Variants in ABCB1 observed in about 807,000 individuals in gnomAD.
ABCB1 encodes ATP binding cassette subfamily B member 1.
In ABCB1, 69 loss-of-function variants were observed where a neutral mutation model predicts 142.0. The observed-to-expected ratio is 0.49, with a 90% CI of 0.40 to 0.59. The LOEUF (loss-of-function observed/expected upper bound fraction) is 0.59, where lower values mean the gene tolerates loss of function less well. ABCB1 is among the 20% of genes least tolerant of loss of function. The pLI is 0.00. For synonymous variants in ABCB1, 532 were observed against 539.2 expected, an observed-to-expected ratio of 0.99 and a Z score of 0.18; for missense variants, 1,326 against 1,554.7, an observed-to-expected ratio of 0.85 and a Z score of 2.47.
In ABCB1 at chr7:87,539,260, A is replaced by G; in HGVS notation, c.2397+8T>C. ...CACATCCCAGGGCACAGCCCTCGAT[A>G]GACATACCTGTCTGAGCATGGATCG... On this transcript the variant is annotated splice_region_variant and intron_variant, in intron 19 of 27. Coordinates refer to ENST00000622132, the MANE Select transcript of ABCB1 (RefSeq NM_001348946.2). 6 of 1,613,756 alleles carry G rather than the reference A, an allele frequency of 3.7e-6. No individual in the cohort carries two copies. Among genetic ancestry groups the G allele is most frequent in the Non-Finnish European group, 4.2e-6 (5 of 1,179,820 alleles).
intron 1 of ABCB1, among the ~76,000 whole-genome samples, chr7:87,698,032 A>G (rs1481837150): frequency 1.3e-5 from 2 of 152,216 alleles, no homozygotes; most frequent in Non-Finnish European, 2.9e-5. Context: ...AAAGTGATGG[A>G]GAGAGATTAA....
chr7:87,595,743 T>C (rs1303426159), intron 3 of ABCB1, 23 bp downstream of exon 3: 1 of 1,570,874 alleles, frequency 6.4e-7, no homozygotes, highest in Non-Finnish European at 8.8e-7. Context: ...GTATTTTGAA[T>C]AGTTAATAAA....
chr7:87,616,027 T>C lies in ABCB1; in HGVS notation c.-330-14949A>G, dbSNP rs189130245. 8.5e-5 allele frequency among the ~76,000 whole-genome samples: 13 copies of C among 152,352 alleles called. No homozygotes were observed. The East Asian group carries it at 2.5e-3, about 29-fold the overall frequency. ...CATAGTAAATAGAAGGTACAATTTATACCTTTATAGCTATTGCCTAGTATA... is the reference window on the plus strand; with the variant it reads ...CATAGTAAATAGAAGGTACAATTTACACCTTTATAGCTATTGCCTAGTATA... On this transcript the variant is annotated intron_variant, in intron 1 of 28. Coordinates refer to the ABCB1 transcript ENST00000265724.
At chr7:87,669,467 T>C (rs562238845) in intron 1 of ABCB1, among the ~76,000 whole-genome samples, 7 of 152,340 alleles carry the variant, frequency 4.6e-5, no homozygotes, top group African/African-American at 1.7e-4. Flanking sequence ...ATTTAGCCCA[T>C]TTACTTTCAA....
chr7:87,519,784 C>T (rs752176237), intron 22 of ABCB1, among the ~76,000 whole-genome samples: 8 of 152,184 alleles, frequency 5.3e-5, no homozygotes, highest in South Asian at 2.1e-4. Context: ...CCTTTCTCCC[C>T]ACTTTTGGAC....
chr7:87,552,810 A>T (rs186656909), intron 9 of ABCB1, among the ~76,000 whole-genome samples: 63 of 152,106 alleles, frequency 4.1e-4, no homozygotes, highest in African/African-American at 1.5e-3. Context: ...ATCATCTCTC[A>T]TTGCCTCAAT....
At chr7:87,598,999 G>A (rs1289595227) in intron 2 of ABCB1, among the ~76,000 whole-genome samples, 1 of 152,162 alleles carries the variant, frequency 6.6e-6, no homozygotes, top group African/African-American at 2.4e-5. Flanking sequence ...GTCCCTTTCA[G>A]TGGACTGAAA....
At chr7:87,681,572 A>G (rs1420014709) in intron 1 of ABCB1, among the ~76,000 whole-genome samples, 6 of 150,788 alleles carry the variant, frequency 4.0e-5, no homozygotes, top group African/African-American at 1.5e-4. Context: ...TAATTAAACT[A>G]CTTTACTGCT....
At chr7:87,616,608 A>G (rs898325361) in intron 1 of ABCB1, among the ~76,000 whole-genome samples, 5 of 152,178 alleles carry the variant, frequency 3.3e-5, no homozygotes, top group Non-Finnish European at 7.4e-5. Flanking sequence ...TGATCATGGT[A>G]TCTCCCCACC....
intron 9 of ABCB1, among the ~76,000 whole-genome samples, chr7:87,551,946 G>C (rs918352415): frequency 6.6e-6 from 1 of 152,104 alleles, no homozygotes; most frequent in Non-Finnish European, 1.5e-5. Flanking sequence ...CTAGTTATAT[G>C]TTGTTAGGCC....
At chr7:87,696,514 T>C (rs1296116387) in intron 1 of ABCB1, among the ~76,000 whole-genome samples, 1 of 152,206 alleles carries the variant, frequency 6.6e-6, no homozygotes, top group East Asian at 1.9e-4. Flanking sequence ...CAGAAATTAA[T>C]TATTTAGATG....
At chr7:87,571,271 G>C (rs571816957) in intron 4 of ABCB1, among the ~76,000 whole-genome samples, 1 of 152,316 alleles carries the variant, frequency 6.6e-6, no homozygotes, top group African/African-American at 2.4e-5. Context: ...GTGTTGTGTG[G>C]ATGGAGGGAG....
chr7:87,625,728 A>C (rs1293687616), intron 1 of ABCB1, among the ~76,000 whole-genome samples: 1 of 152,134 alleles, frequency 6.6e-6, no homozygotes, highest in African/African-American at 2.4e-5. Flanking sequence ...TGTAGCTCCT[A>C]GGAAAAGAAG....
intron 8 of ABCB1, among the ~76,000 whole-genome samples, chr7:87,559,368 T>C (rs1365539649): frequency 1.3e-5 from 2 of 152,098 alleles, no homozygotes; most frequent in Admixed American, 6.5e-5. Context: ...TTTTTAAATT[T>C]ATTGGTATAA....
At chr7:87,583,103 T>C (rs1563062952) in intron 4 of ABCB1, among the ~76,000 whole-genome samples, 1 of 152,242 alleles carries the variant, frequency 6.6e-6, no homozygotes. Flanking sequence ...CATATCATCA[T>C]TGAAAGTTAT....
intron 21 of ABCB1, among the ~76,000 whole-genome samples, chr7:87,526,590 A>G (rs1348575097): frequency 6.6e-6 from 1 of 152,110 alleles, no homozygotes; most frequent in Non-Finnish European, 1.5e-5. Flanking sequence ...CATGTTTAGG[A>G]GGCAAGCAGA....
intron 1 of ABCB1, among the ~76,000 whole-genome samples, chr7:87,639,723 T>C (rs999296613): frequency 1.3e-5 from 2 of 152,170 alleles, no homozygotes; most frequent in Admixed American, 6.5e-5. Context: ...TTTTAGCTAA[T>C]GTTAATATGA....
intron 4 of ABCB1, among the ~76,000 whole-genome samples, chr7:87,573,890 C>CAATA (rs201487760): frequency 1.3e-5 from 2 of 151,932 alleles, no homozygotes; most frequent in African/African-American, 4.8e-5. Context: ...GAAACCTACA[C>CAATA]GATATATATA....
intron 1 of ABCB1, among the ~76,000 whole-genome samples, chr7:87,678,080 G>A (rs1826558890): frequency 1.3e-5 from 2 of 152,330 alleles, no homozygotes; most frequent in South Asian, 4.1e-4. Context: ...GGTATCAGAA[G>A]AAAACTTGGA....
Sources: allele counts gnomAD v4.1 joint callset (sites outside exome capture counted in the v4.1 genomes callset), GRCh38; gene constraint gnomAD v4.1.1; transcripts MANE v1.5; gene names NCBI Gene and HGNC (gene_info 2026-07-23, HGNC 2026-07-21).